Variants in HMCN1 observed in about 807,000 individuals in gnomAD.
HMCN1 encodes hemicentin 1.
HMCN1 carries 321 observed loss-of-function variants against 625.9 expected under a neutral mutation model. The observed-to-expected ratio is 0.51, with a 90% confidence interval of 0.47 to 0.56. The LOEUF is 0.56. HMCN1 is among the 20% of genes least tolerant of loss of function. HMCN1 has a pLI of 0.00. For missense variants in HMCN1, 6,588 were observed against 6,887.3 expected, an observed-to-expected ratio of 0.96 and a Z score of 1.54; for synonymous variants, 2,425 against 2,417.6, an observed-to-expected ratio of 1.00 and a Z score of -0.09.
At chr1:186,072,603 G>A (rs1386577495) in intron 52 of HMCN1, among the ~76,000 whole-genome samples, 1 of 152,164 alleles carries the variant, frequency 6.6e-6, no homozygotes, top group Admixed American at 6.6e-5. Flanking sequence ...GAAACCAAGG[G>A]TGGAGAGTGT....
chr1:185,771,423 A>G (rs1656234583), intron 1 of HMCN1, among the ~76,000 whole-genome samples: 1 of 152,218 alleles, frequency 6.6e-6, no homozygotes, highest in South Asian at 2.1e-4. Flanking sequence ...AGGAATGCAC[A>G]TATGTAACAG....
At chr1:185,879,611 A>G (rs1156754519) in intron 4 of HMCN1, among the ~76,000 whole-genome samples, 2 of 152,188 alleles carry the variant, frequency 1.3e-5, no homozygotes, top group African/African-American at 2.4e-5. Context: ...GACTTTAAGG[A>G]TTCAATATTG....
At chr1:185,802,088 A>G (rs992310079) in intron 1 of HMCN1, among the ~76,000 whole-genome samples, 1 of 152,164 alleles carries the variant, frequency 6.6e-6, no homozygotes, top group Non-Finnish European at 1.5e-5. Flanking sequence ...GAGAAAAAGT[A>G]GAGAAGTTCA....
chr1:186,151,074 GT>G (rs746653029), intron 93 of HMCN1, 125 bp from the exon 94 acceptor site: 26 of 863,134 alleles, frequency 3.0e-5, no homozygotes, highest in Non-Finnish European at 4.3e-5. Context: ...AAATTCAGAT[GT>G]CATATGACCT....
chr1:185,749,723 T>C (rs973091864), intron 1 of HMCN1, among the ~76,000 whole-genome samples: 1 of 152,226 alleles, frequency 6.6e-6, no homozygotes, highest in Non-Finnish European at 1.5e-5. Flanking sequence ...CCTGAGCCAC[T>C]TTAACTGCTC....
At chr1:185,984,896 A>C (rs1415264999) in intron 19 of HMCN1, among the ~76,000 whole-genome samples, 1 of 152,236 alleles carries the variant, frequency 6.6e-6, no homozygotes, top group Non-Finnish European at 1.5e-5. Flanking sequence ...AAATTGTCAT[A>C]ACTTTTTAAT....
At chr1:186,090,278 A>G (rs560943012) in intron 63 of HMCN1, among the ~76,000 whole-genome samples, 3 of 152,132 alleles carry the variant, frequency 2.0e-5, no homozygotes, top group African/African-American at 7.2e-5. Context: ...ATTGTTCAAA[A>G]TAAACAATAA....
At chr1:185,775,655 A>C (rs1012328067) in intron 1 of HMCN1, among the ~76,000 whole-genome samples, 6 of 152,182 alleles carry the variant, frequency 3.9e-5, no homozygotes. Flanking sequence ...ATAAAAAGTC[A>C]CTGGAGGGAA....
chr1:185,997,605 T>C (rs1652892738), intron 25 of HMCN1, 81 bp downstream of exon 25: 1 of 980,618 alleles, frequency 1.0e-6, no homozygotes, highest in Non-Finnish European at 1.6e-6. Context: ...ATTGTCATCC[T>C]TATAAAATTC....
intron 1 of HMCN1, among the ~76,000 whole-genome samples, chr1:185,831,774 C>T (rs1660875225): frequency 6.6e-6 from 1 of 152,002 alleles, no homozygotes; most frequent in Admixed American, 6.6e-5. Flanking sequence ...GATAAAATAA[C>T]TAGCCATAAG....
At chr1:185,895,545 C>T (rs969172023) in intron 4 of HMCN1, among the ~76,000 whole-genome samples, 12 of 152,152 alleles carry the variant, frequency 7.9e-5, no homozygotes, top group Non-Finnish European at 1.5e-4. Flanking sequence ...TGGCTAATTA[C>T]AATAATAATT....
intron 1 of HMCN1, among the ~76,000 whole-genome samples, chr1:185,738,546 G>T (rs1242510649): frequency 1.3e-5 from 2 of 151,994 alleles, no homozygotes. Flanking sequence ...ACCACATTTT[G>T]TTTATCTGTT....
At chr1:185,937,611 G>C (rs951829475) in intron 11 of HMCN1, among the ~76,000 whole-genome samples, 2 of 152,114 alleles carry the variant, frequency 1.3e-5, no homozygotes, top group Non-Finnish European at 2.9e-5. Flanking sequence ...GCTGGACGCA[G>C]TGGCTCACGC....
intron 29 of HMCN1, among the ~76,000 whole-genome samples, chr1:186,005,371 T>C (rs939473766): frequency 6.7e-6 from 1 of 148,306 alleles, no homozygotes; most frequent in Non-Finnish European, 1.5e-5. Flanking sequence ...ATTTTTTAAT[T>C]GTTTATAAAT....
At chr1:185,761,294 T>C (rs1210242161) in intron 1 of HMCN1, among the ~76,000 whole-genome samples, 2 of 152,156 alleles carry the variant, frequency 1.3e-5, no homozygotes, top group Non-Finnish European at 2.9e-5. Context: ...TGTTTTTGGT[T>C]GAGGTCTGAG....
chr1:186,029,703 C>G (rs1415990972), intron 36 of HMCN1, among the ~76,000 whole-genome samples: 1 of 151,578 alleles, frequency 6.6e-6, no homozygotes, highest in Non-Finnish European at 1.5e-5. Context: ...ATTTTCTCTA[C>G]TGTTTTTCTC....
At chr1:185,755,503 C>A (rs1382781291) in intron 1 of HMCN1, among the ~76,000 whole-genome samples, 2 of 152,144 alleles carry the variant, frequency 1.3e-5, no homozygotes, top group African/African-American at 2.4e-5. Context: ...GCTGCTAGGC[C>A]TCATGGCGTA....
intron 97 of HMCN1, among the ~76,000 whole-genome samples, chr1:186,160,867 T>A (rs1426929759): frequency 6.6e-6 from 1 of 150,580 alleles, no homozygotes; most frequent in Non-Finnish European, 1.5e-5. Flanking sequence ...GGAATAGGTG[T>A]GGTGTGGTGC....
chr1:186,055,350 A>T (rs1490012905), intron 44 of HMCN1, 43 bp from the exon 45 acceptor site: 7 of 1,592,096 alleles, frequency 4.4e-6, no homozygotes, highest in Non-Finnish European at 6.0e-6. Context: ...CTTGAAGCAA[A>T]CATTTCCTCT....
Sources: gnomAD v4.1 joint callset for allele counts (sites outside exome capture counted in the v4.1 genomes callset) on GRCh38, gnomAD v4.1.1 for gene constraint, MANE v1.5 for transcripts, NCBI Gene and HGNC (gene_info 2026-07-23, HGNC 2026-07-21) for gene names.